MCF2: variants seen among roughly 807,000 people sequenced by gnomAD.
MCF2 encodes the protein MCF.2 cell line derived transforming sequence.
In MCF2, 44 loss-of-function variants were observed where a neutral mutation model predicts 82.5. The observed-to-expected ratio is 0.53, with a 90% CI of 0.42 to 0.69. The LOEUF (loss-of-function observed/expected upper bound fraction) is 0.69, where lower values mean the gene tolerates loss of function less well. Ranked by LOEUF, MCF2 falls within the 30% of genes least tolerant of loss-of-function variation. The pLI is 0.00. For missense variants in MCF2, 623 were observed against 663.1 expected (o/e 0.94, Z 0.66); for synonymous variants, 217 against 224.9 (o/e 0.96, Z 0.32).
chrX:139,598,854 C>T (rs1394211074), intron 16 of MCF2, among the ~76,000 whole-genome samples: 1 of 111,304 alleles, frequency 9.0e-6, no homozygotes, highest in Non-Finnish European at 1.9e-5. Flanking sequence ...TCACGAAAGA[C>T]CAAGCTCTAC....
At chrX:139,622,323 G>A (rs1322927798) in intron 6 of MCF2, among the ~76,000 whole-genome samples, 2 of 111,540 alleles carry the variant, frequency 1.8e-5, no homozygotes, top group Admixed American at 9.5e-5. Flanking sequence ...TCAGTGTGGC[G>A]ATTCCTCAGG....
At chrX:139,689,795 T>G (rs1458583907) in intron 1 of MCF2, among the ~76,000 whole-genome samples, 1 of 109,961 alleles carries the variant, frequency 9.1e-6, no homozygotes, top group Non-Finnish European at 1.9e-5. Flanking sequence ...CCTAACTCCC[T>G]AAGTGAAGCC....
At chrX:139,659,295 A>C (rs765176264) in intron 1 of MCF2, among the ~76,000 whole-genome samples, 4 of 110,948 alleles carry the variant, frequency 3.6e-5, no homozygotes, top group African/African-American at 1.3e-4. Context: ...AAAAAAAAAA[A>C]TAAAAAATTT....
chrX:139,602,317 GTACT>G lies in MCF2; in HGVS notation c.1836+85_1836+88del, dbSNP rs766679102. On this transcript the variant is annotated intron_variant, in intron 16 of 24. Coordinates refer to ENST00000370576, the Ensembl canonical transcript of MCF2. Reference sequence around the variant, plus strand: ...TCATATACGTATATGCACATGTAACGTACTTAAAGTAGAAAATGAATTTATAATT... The same window carrying G: ...TCATATACGTATATGCACATGTAACGTAAAGTAGAAAATGAATTTATAATT... 92 of 714,597 alleles carry G rather than the reference GTACT, an allele frequency of 1.3e-4. No homozygotes were observed. In the African/African-American group the frequency reaches 1.9e-3, roughly 15 times the overall value. 58.9% of individuals were successfully genotyped at this position (714,597 alleles called of 1,213,427 possible).
exon 1 of MCF2, chrX:139,708,131 C>T (rs1935626239): frequency 8.9e-6 from 1 of 111,930 alleles, no homozygotes. Flanking sequence ...TTAAGACTGT[C>T]GCAGCTCATT....
At chrX:139,691,269 C>T (rs974926546) in intron 1 of MCF2, among the ~76,000 whole-genome samples, 3 of 111,648 alleles carry the variant, frequency 2.7e-5, no homozygotes, top group Non-Finnish European at 5.6e-5. Flanking sequence ...CCTACAACTC[C>T]TCCCCCACCT....
chrX:139,629,110 C>T (rs191826697), intron 4 of MCF2, among the ~76,000 whole-genome samples: 11 of 112,164 alleles, frequency 9.8e-5, no homozygotes, highest in African/African-American at 3.6e-4. Context: ...GCAATTTCAT[C>T]ATTTTGTGAA....
At chrX:139,612,527 T>C (rs1931576353) in intron 10 of MCF2, among the ~76,000 whole-genome samples, 2 of 109,452 alleles carry the variant, frequency 1.8e-5, no homozygotes, top group Non-Finnish European at 3.8e-5. Context: ...CAGAATTATA[T>C]TTAATGCAAA....
At chrX:139,604,647 T>C (rs1930837140) in intron 15 of MCF2, 34 bp downstream of exon 19, 1 of 928,605 alleles carries the variant, frequency 1.1e-6, no homozygotes, top group Admixed American at 3.0e-5. Flanking sequence ...TGGTGGTGCA[T>C]ATTTATATAT....
intron 1 of MCF2, among the ~76,000 whole-genome samples, chrX:139,671,689 C>T (rs1260705395): frequency 9.0e-6 from 1 of 111,402 alleles, no homozygotes; most frequent in African/African-American, 3.3e-5. Context: ...GTTTTGGTAC[C>T]AGTACTATGC....
At chrX:139,671,091 G>T (rs1360938271) in intron 1 of MCF2, among the ~76,000 whole-genome samples, 1 of 112,080 alleles carries the variant, frequency 8.9e-6, no homozygotes, top group African/African-American at 3.2e-5. Context: ...TCATGTGTCT[G>T]TTGGCTGCAT....
intron 22 of MCF2, among the ~76,000 whole-genome samples, chrX:139,586,866 A>C (rs1051617749): frequency 9.0e-6 from 1 of 111,633 alleles, no homozygotes; most frequent in African/African-American, 3.3e-5. Flanking sequence ...AGCTACTATT[A>C]AGTCAATTAC....
intron 1 of MCF2, among the ~76,000 whole-genome samples, chrX:139,653,758 A>G (rs1050327895): frequency 1.8e-5 from 2 of 111,284 alleles, no homozygotes; most frequent in Non-Finnish European, 3.8e-5. Context: ...TTCAGTGGTA[A>G]TAAATATATT....
chrX:139,612,729 A>G (rs1931591997), intron 10 of MCF2, among the ~76,000 whole-genome samples: 1 of 111,790 alleles, frequency 8.9e-6, no homozygotes, highest in Non-Finnish European at 1.9e-5. Flanking sequence ...GTAAATGAAC[A>G]AGGTTTGTAG....
At chrX:139,626,824 A>T (rs905325970) in intron 4 of MCF2, 68 bp from the exon 8 acceptor site, 1 of 927,348 alleles carries the variant, frequency 1.1e-6, no homozygotes, top group Non-Finnish European at 1.5e-6. Context: ...ATGGGAAGGG[A>T]GCATACAACT....
At chrX:139,700,924 G>C (rs1044332298) in intron 1 of MCF2, among the ~76,000 whole-genome samples, 1 of 111,582 alleles carries the variant, frequency 9.0e-6, no homozygotes, top group Non-Finnish European at 1.9e-5. Context: ...ACCAGGTGCT[G>C]TGAAGGGTAG....
intron 10 of MCF2, among the ~76,000 whole-genome samples, chrX:139,614,178 T>C (rs1331312583): frequency 9.0e-6 from 1 of 111,053 alleles, no homozygotes; most frequent in Non-Finnish European, 1.9e-5. Flanking sequence ...ATATCCAGAG[T>C]AGTTCAACAC....
intron 1 of MCF2, among the ~76,000 whole-genome samples, chrX:139,704,096 C>A (rs975919644): frequency 1.8e-5 from 2 of 111,161 alleles, no homozygotes; most frequent in African/African-American, 6.5e-5. Flanking sequence ...AAAAAACATA[C>A]GTCAAAATAA....
In MCF2 at chrX:139,613,312, T is replaced by C. The variant is rs181302693; in HGVS notation, c.1363+1569A>G. The C allele has an allele frequency of 4.3e-4, 423 of 976,193 alleles. 1 individual carries two copies. The South Asian group carries it at 8.5e-3, about 20-fold the overall frequency. The allele number at this position is 976,193 out of a possible 1,213,427, so 80.4% of individuals were successfully genotyped here. A position where few individuals can be genotyped will look rare whatever the true frequency, so the allele number is the denominator to read the frequency against. ...ATTAAATAAGAATATCAGAAAAAAATGAAACAATACAAAACAAAATGTGCT... is the reference window on the plus strand; with the variant it reads ...ATTAAATAAGAATATCAGAAAAAAACGAAACAATACAAAACAAAATGTGCT... On this transcript the variant is annotated intron_variant, in intron 10 of 24. Transcript: ENST00000370576.
Sources: gnomAD v4.1 joint callset for allele counts (sites outside exome capture counted in the v4.1 genomes callset) on GRCh38, gnomAD v4.1.1 for gene constraint, MANE v1.5 for transcripts, NCBI Gene and HGNC (gene_info 2026-07-23, HGNC 2026-07-21) for gene names.